SNTG1: variants seen among roughly 807,000 people sequenced by gnomAD.
SNTG1 encodes the protein gamma-1-syntrophin.
In SNTG1, 39 loss-of-function variants were observed where a neutral mutation model predicts 74.7. The observed-to-expected ratio is 0.52, with a 90% CI of 0.40 to 0.68. The LOEUF (loss-of-function observed/expected upper bound fraction) is 0.68, where lower values mean the gene tolerates loss of function less well. Ranked by LOEUF, SNTG1 falls within the 30% of genes least tolerant of loss-of-function variation. The pLI is 0.00. For missense variants in SNTG1, 685 were observed against 609.5 expected, an observed-to-expected ratio of 1.12 and a Z score of -1.30; for synonymous variants, 254 against 217.1, an observed-to-expected ratio of 1.17 and a Z score of -1.49.
chr8:50,176,247 G>A lies in SNTG1; in HGVS notation c.-28+3612G>A, dbSNP rs185172281. Among the ~76,000 whole-genome samples, 135 of 152,154 alleles carry A rather than the reference G, an allele frequency of 8.9e-4. 1 individual carries two copies. The highest frequency in any genetic ancestry group is 1.4e-3 in the Non-Finnish European group (93 of 68,002). On this transcript the variant is annotated intron_variant, in intron 2 of 18. Transcript: ENST00000642720. The stretch of plus-strand genomic sequence containing the variant: ...CACAAGTTGCAGCTGCTGACAGGAC[G>A]CAACTTCTATTGCCCCATGTGCCAC...
At chr8:50,514,800 T>G (rs927073428) in intron 9 of SNTG1, among the ~76,000 whole-genome samples, 2 of 152,202 alleles carry the variant, frequency 1.3e-5, no homozygotes, top group Non-Finnish European at 2.9e-5. Flanking sequence ...GTAGTGGTTC[T>G]ATAAATTAGT....
At chr8:50,323,414 G>A (rs2090608324) in intron 2 of SNTG1, among the ~76,000 whole-genome samples, 1 of 152,068 alleles carries the variant, frequency 6.6e-6, no homozygotes, top group African/African-American at 2.4e-5. Flanking sequence ...AATGTTCTTT[G>A]GTGTCTGGGC....
chr8:50,354,673 C>T (rs925171120), intron 2 of SNTG1, among the ~76,000 whole-genome samples: 7 of 152,038 alleles, frequency 4.6e-5, no homozygotes, highest in Non-Finnish European at 8.8e-5. Flanking sequence ...TCAGTTTCCA[C>T]GTGTAAGGAG....
chr8:50,528,722 T>C (rs892042905), intron 9 of SNTG1, among the ~76,000 whole-genome samples: 3 of 151,832 alleles, frequency 2.0e-5, no homozygotes, highest in African/African-American at 7.2e-5. Context: ...TCATCATTCC[T>C]TTTAACATCC....
At chr8:50,014,601 G>C (rs1397441690) in intron 1 of SNTG1, among the ~76,000 whole-genome samples, 1 of 152,170 alleles carries the variant, frequency 6.6e-6, no homozygotes, top group Non-Finnish European at 1.5e-5. Context: ...GTGAAGGCTA[G>C]TCTGTCTTGT....
chr8:50,246,821 T>TA (rs1480696417), intron 2 of SNTG1, among the ~76,000 whole-genome samples: 2 of 152,214 alleles, frequency 1.3e-5, no homozygotes, highest in Non-Finnish European at 2.9e-5. Context: ...TCCTCTTGAC[T>TA]GGTCCACTTT....
At chr8:50,189,264 C>A (rs2083483750) in intron 2 of SNTG1, among the ~76,000 whole-genome samples, 1 of 151,948 alleles carries the variant, frequency 6.6e-6, no homozygotes, top group Admixed American at 6.6e-5. Context: ...TTATTGTTAT[C>A]CTATGTCATT....
At chr8:50,117,216 T>G (rs2080853770) in intron 1 of SNTG1, among the ~76,000 whole-genome samples, 1 of 152,080 alleles carries the variant, frequency 6.6e-6, no homozygotes, top group African/African-American at 2.4e-5. Context: ...AAATGCCTTT[T>G]AGACATCTTT....
At chr8:50,055,063 A>C (rs572692071) in intron 1 of SNTG1, among the ~76,000 whole-genome samples, 1 of 152,176 alleles carries the variant, frequency 6.6e-6, no homozygotes, top group South Asian at 2.1e-4. Flanking sequence ...AATGGACTGC[A>C]ATTGTCTCAT....
At chr8:50,304,307 C>T (rs1004743492) in intron 2 of SNTG1, among the ~76,000 whole-genome samples, 2 of 152,176 alleles carry the variant, frequency 1.3e-5, no homozygotes, top group Non-Finnish European at 2.9e-5. Flanking sequence ...ACTTCCCAGC[C>T]TCCAGAGCTG....
At chr8:50,242,477 A>G (rs1450274220) in intron 2 of SNTG1, among the ~76,000 whole-genome samples, 1 of 150,362 alleles carries the variant, frequency 6.7e-6, no homozygotes, top group Non-Finnish European at 1.5e-5. Context: ...GCAGTGAGCC[A>G]AAATCATGCC....
intron 11 of SNTG1, among the ~76,000 whole-genome samples, chr8:50,543,420 A>C (rs1184826045): frequency 6.6e-6 from 1 of 151,630 alleles, no homozygotes. Flanking sequence ...ATTCTGCTCC[A>C]TTGGTCTATG....
At chr8:50,663,212 G>A (rs1465887021) in intron 15 of SNTG1, among the ~76,000 whole-genome samples, 1 of 152,136 alleles carries the variant, frequency 6.6e-6, no homozygotes, top group Non-Finnish European at 1.5e-5. Context: ...GTTTGTTACA[G>A]CTGTAGTCAT....
intron 2 of SNTG1, among the ~76,000 whole-genome samples, chr8:50,236,204 A>G (rs2085885118): frequency 6.6e-6 from 1 of 152,166 alleles, no homozygotes; most frequent in African/African-American, 2.4e-5. Context: ...ATAATATGCT[A>G]TATCTTGCTC....
At chr8:49,921,058 C>T (rs1373284437) in intron 1 of SNTG1, among the ~76,000 whole-genome samples, 3 of 151,888 alleles carry the variant, frequency 2.0e-5, no homozygotes, top group Non-Finnish European at 4.4e-5. Flanking sequence ...GGTGAAGAAC[C>T]CATTAATTTT....
intron 5 of SNTG1, 80 bp downstream of exon 5, chr8:50,438,679 T>G: frequency 8.3e-7 from 1 of 1,209,400 alleles, no homozygotes; most frequent in Non-Finnish European, 1.2e-6. Context: ...GTTTGCTGAT[T>G]AATAATTAGA....
chr8:50,119,420 A>AG (rs1390768211), intron 1 of SNTG1, among the ~76,000 whole-genome samples: 1 of 141,136 alleles, frequency 7.1e-6, no homozygotes. Flanking sequence ...GGATTCCTAT[A>AG]GGGGAGTGAG....
At chr8:50,128,343 T>G (rs1447284136) in intron 1 of SNTG1, among the ~76,000 whole-genome samples, 3 of 152,152 alleles carry the variant, frequency 2.0e-5, no homozygotes, top group Non-Finnish European at 4.4e-5. Flanking sequence ...AGTGTCTCAC[T>G]TGTAACAATG....
intron 2 of SNTG1, among the ~76,000 whole-genome samples, chr8:50,225,351 C>A (rs1381158350): frequency 6.6e-6 from 1 of 152,150 alleles, no homozygotes; most frequent in African/African-American, 2.4e-5. Flanking sequence ...TTATCTTAAC[C>A]CAGACACTTA....
Sources: allele counts gnomAD v4.1 joint callset (sites outside exome capture counted in the v4.1 genomes callset), GRCh38; gene constraint gnomAD v4.1.1; transcripts MANE v1.5; gene names NCBI Gene and HGNC (gene_info 2026-07-23, HGNC 2026-07-21).